The following HS6ST3 variants were observed in gnomAD, a reference collection of about 807,000 sequenced individuals.
HS6ST3 encodes heparan sulfate 6-O-sulfotransferase 3.
In HS6ST3, 12 loss-of-function variants were observed where a neutral mutation model predicts 36.7. The ratio of observed to expected loss-of-function variants is 0.33; its 90% CI spans 0.21 to 0.53. The LOEUF (loss-of-function observed/expected upper bound fraction) is 0.53. Among genes scored for constraint, HS6ST3 ranks in the 20% least tolerant of loss-of-function variants. The pLI is 0.95. For synonymous variants in HS6ST3, 240 were observed against 257.5 expected, an observed-to-expected ratio of 0.93 and a Z score of 0.65; for missense variants, 584 against 640.9, an observed-to-expected ratio of 0.91 and a Z score of 0.96.
At chr13:96,567,668 A>T (rs1040228553) in intron 1 of HS6ST3, among the ~76,000 whole-genome samples, 1 of 152,226 alleles carries the variant, frequency 6.6e-6, no homozygotes, top group Admixed American at 6.5e-5. Flanking sequence ...AATAAAAAAC[A>T]TGATAAAAGT....
chr13:96,178,738 T>G (rs1429470851), intron 1 of HS6ST3, among the ~76,000 whole-genome samples: 1 of 152,082 alleles, frequency 6.6e-6, no homozygotes, highest in African/African-American at 2.4e-5. Flanking sequence ...CCTTGCTCTT[T>G]GGGAGACAGG....
chr13:96,145,115 C>G (rs1223239216), intron 1 of HS6ST3, among the ~76,000 whole-genome samples: 1 of 7,168 alleles, frequency 1.4e-4, no homozygotes, highest in Non-Finnish European at 3.6e-4. Context: ...CATACGTGTG[C>G]GTGTGCATGT....
chr13:96,610,495 T>C (rs2056453585), intron 1 of HS6ST3, among the ~76,000 whole-genome samples: 1 of 152,200 alleles, frequency 6.6e-6, no homozygotes, highest in East Asian at 1.9e-4. Context: ...ACTGGTGTTA[T>C]TCTCCTGTAT....
chr13:96,300,569 C>T (rs778849148), intron 1 of HS6ST3, among the ~76,000 whole-genome samples: 2 of 151,906 alleles, frequency 1.3e-5, no homozygotes, highest in African/African-American at 2.4e-5. Flanking sequence ...AACATTTTAT[C>T]AGTAGAAGAG....
chr13:96,765,153 A>C (rs1308876944), intron 1 of HS6ST3, among the ~76,000 whole-genome samples: 1 of 145,612 alleles, frequency 6.9e-6, no homozygotes, highest in Non-Finnish European at 1.5e-5. Context: ...GGCTCACTGC[A>C]AGCTCCGCCT....
intron 1 of HS6ST3, among the ~76,000 whole-genome samples, chr13:96,762,549 C>T (rs1419621392): frequency 6.6e-6 from 1 of 152,152 alleles, no homozygotes; most frequent in Non-Finnish European, 1.5e-5. Context: ...TTTCCTACTG[C>T]ATCTCCTCAG....
intron 1 of HS6ST3, among the ~76,000 whole-genome samples, chr13:96,677,735 A>G (rs1020497334): frequency 1.3e-5 from 2 of 152,100 alleles, no homozygotes; most frequent in Non-Finnish European, 1.5e-5. Context: ...ATCTTATGAC[A>G]TTGTGTAGTA....
chr13:96,621,245 C>T (rs1476403361), intron 1 of HS6ST3, among the ~76,000 whole-genome samples: 1 of 152,122 alleles, frequency 6.6e-6, no homozygotes, highest in Non-Finnish European at 1.5e-5. Context: ...GAATTATAAC[C>T]CGAATTGTAA....
chr13:96,233,277 C>A (rs9562054), intron 1 of HS6ST3, among the ~76,000 whole-genome samples: 7,694 of 152,072 alleles, frequency 0.051, 275 homozygotes, highest in East Asian at 0.15. Context: ...TTTATTTTTT[C>A]TTGAAGTTAT....
intron 1 of HS6ST3, among the ~76,000 whole-genome samples, chr13:96,288,196 T>C (rs1240301782): frequency 6.6e-6 from 1 of 152,180 alleles, no homozygotes; most frequent in South Asian, 2.1e-4. Context: ...AATCCCTCTC[T>C]GAACCTGATC....
rs1056210821 is a variant in HS6ST3, at chr13:96,090,129, G to A, written c.-734G>A. On this transcript the variant is annotated 5_prime_UTR_variant, in exon 1 of 2. Transcript: ENST00000376705. ...GTCACACCGGCTGGCGGGTTGTGGC[G>A]GTGCCAGCCTGTGTGTGCGAGTGTG... Among the ~76,000 whole-genome samples the A allele has an allele frequency of 1.3e-5, 2 of 152,112 alleles. No individual in the cohort carries two copies. Among genetic ancestry groups the A allele is most frequent in the Non-Finnish European group, 2.9e-5 (2 of 67,988 alleles).
At chr13:96,297,815 G>T (rs749562382) in intron 1 of HS6ST3, among the ~76,000 whole-genome samples, 4 of 151,970 alleles carry the variant, frequency 2.6e-5, no homozygotes, top group South Asian at 2.1e-4. Flanking sequence ...TCATAAGCTC[G>T]CATACTCATA....
chr13:96,287,606 A>AT (rs2054809933), intron 1 of HS6ST3, among the ~76,000 whole-genome samples: 1 of 152,232 alleles, frequency 6.6e-6, no homozygotes, highest in South Asian at 2.1e-4. Context: ...TAATTACAAT[A>AT]TTTTTTATCC....
intron 1 of HS6ST3, among the ~76,000 whole-genome samples, chr13:96,314,392 C>T (rs2054957607): frequency 6.6e-6 from 1 of 152,120 alleles, no homozygotes; most frequent in Non-Finnish European, 1.5e-5. Flanking sequence ...TCTAGCAATG[C>T]AAGGAAATTT....
In HS6ST3 at chr13:96,397,435, A is replaced by T. The variant is rs1183679861; in HGVS notation, c.707+305866A>T. On this transcript the variant is annotated intron_variant, in intron 1 of 1. Coordinates refer to ENST00000376705, the MANE Select transcript of HS6ST3 (RefSeq NM_153456.4). ...GTCTATCTTAATACTTTACATTTTC[A>T]CAAAGGTTAACTCAAACATCTCTTC... 2.6e-5 allele frequency among the ~76,000 whole-genome samples: 4 copies of T among 152,052 alleles called. No homozygotes were observed. In the East Asian group the frequency reaches 7.7e-4, roughly 29 times the overall value.
chr13:96,443,903 C>T (rs1301919955), intron 1 of HS6ST3, among the ~76,000 whole-genome samples: 4 of 152,160 alleles, frequency 2.6e-5, no homozygotes, highest in Non-Finnish European at 1.5e-5. Flanking sequence ...TTGATATTGT[C>T]GGTCCTGATA....
At chr13:96,380,797 A>G (rs1444333799) in intron 1 of HS6ST3, among the ~76,000 whole-genome samples, 1 of 152,218 alleles carries the variant, frequency 6.6e-6, no homozygotes, top group Admixed American at 6.5e-5. Context: ...TTGTTTCTTC[A>G]TATTCCAAAA....
At position 96,371,266 on chromosome 13, in the gene HS6ST3, A is replaced by G. The variant is rs575611705; in HGVS notation, c.707+279697A>G. 2.4e-3 allele frequency among the ~76,000 whole-genome samples: 368 copies of G among 152,310 alleles called. 1 individual carries two copies. The highest frequency in any genetic ancestry group is 8.2e-3 in the African/African-American group (342 of 41,578). ...TGAATTGGTATTTCATGGTGGTCTT[A>G]ATTTGCATTTACCTGATTACTAAAT... On this transcript the variant is annotated intron_variant, in intron 1 of 1. Transcript: ENST00000376705.
chr13:96,528,221 G>A (rs1043860791), intron 1 of HS6ST3, among the ~76,000 whole-genome samples: 10 of 152,176 alleles, frequency 6.6e-5, no homozygotes, highest in African/African-American at 1.2e-4. Flanking sequence ...TTTACTTGCC[G>A]TGTTTTTCAT....
Sources: allele counts gnomAD v4.1 joint callset (sites outside exome capture counted in the v4.1 genomes callset), GRCh38; gene constraint gnomAD v4.1.1; transcripts MANE v1.5; gene names NCBI Gene and HGNC (gene_info 2026-07-23, HGNC 2026-07-21).